NRXN1: variants seen among roughly 807,000 people sequenced by gnomAD.
NRXN1 encodes neurexin-1.
NRXN1 carries 39 observed loss-of-function variants against 150.9 expected under a neutral mutation model. That is an observed-to-expected ratio of 0.26 (90% confidence interval 0.20 to 0.34). The LOEUF (loss-of-function observed/expected upper bound fraction) is 0.34. NRXN1 is among the 10% of genes least tolerant of loss of function. NRXN1 has a pLI of 1.00. For missense variants in NRXN1, 1,815 were observed against 1,949.9 expected (o/e 0.93, Z 1.30); for synonymous variants, 924 against 757.0 (o/e 1.22, Z -3.62).
intron 18 of NRXN1, among the ~76,000 whole-genome samples, chr2:50,146,164 C>G (rs1405609679): frequency 6.6e-6 from 1 of 151,550 alleles, no homozygotes; most frequent in African/African-American, 2.4e-5. Flanking sequence ...ATGATTCATT[C>G]AAAAGTATGA....
intron 8 of NRXN1, among the ~76,000 whole-genome samples, chr2:50,583,632 G>C (rs1672637577): frequency 6.6e-6 from 1 of 152,116 alleles, no homozygotes; most frequent in African/African-American, 2.4e-5. Context: ...TGAGTAAATA[G>C]CCAAGATTTA....
intron 17 of NRXN1, among the ~76,000 whole-genome samples, chr2:50,298,706 C>A (rs1299668384): frequency 2.0e-5 from 3 of 152,124 alleles, no homozygotes; most frequent in Non-Finnish European, 4.4e-5. Flanking sequence ...CTGCTAAGTA[C>A]ACAGTTGTAA....
chr2:50,554,320 G>C (rs1295879644), intron 8 of NRXN1: 2 of 152,050 alleles, frequency 1.3e-5, no homozygotes, highest in African/African-American at 2.4e-5. Context: ...CCAAACCCAT[G>C]GCCAACTGAA....
intron 5 of NRXN1, among the ~76,000 whole-genome samples, chr2:50,730,830 A>C (rs10176825): frequency 6.6e-6 from 1 of 150,858 alleles, no homozygotes; most frequent in East Asian, 1.9e-4. Flanking sequence ...CCGCCACCAC[A>C]CCCAGCTAAT....
chr2:50,900,481 C>T (rs963965271), intron 5 of NRXN1, among the ~76,000 whole-genome samples: 3 of 152,014 alleles, frequency 2.0e-5, no homozygotes, highest in Non-Finnish European at 4.4e-5. Context: ...TTAAACAAAC[C>T]CTCTCACTTG....
In NRXN1 at chr2:50,521,075, A is replaced by G. The variant is rs573931782; in HGVS notation, c.2374+7550T>C. Among the ~76,000 whole-genome samples, 10 of 152,272 alleles carry G rather than the reference A, an allele frequency of 6.6e-5. No homozygotes were observed. In the East Asian group the frequency reaches 1.9e-3, roughly 29 times the overall value. ...GTTGTATAGAAGTTCATACTTATTT[A>G]CACTGGAAACTTCCTGGTTCCAAAG... On this transcript the variant is annotated intron_variant, in intron 12 of 22. Transcript: ENST00000401669.
At chr2:50,554,591 A>T (rs920837053) in intron 8 of NRXN1, 8 of 152,218 alleles carry the variant, frequency 5.3e-5, no homozygotes, top group African/African-American at 1.9e-4. Context: ...AATGCCAATC[A>T]CATTGTAAGA....
chr2:50,328,934 G>A (rs994039113), intron 17 of NRXN1, among the ~76,000 whole-genome samples: 5 of 152,024 alleles, frequency 3.3e-5, no homozygotes, highest in Admixed American at 6.6e-5. Flanking sequence ...ACAGTTATCT[G>A]AGTAGATGCT....
chr2:50,520,415 A>G (rs1450236416), intron 12 of NRXN1, among the ~76,000 whole-genome samples: 1 of 151,902 alleles, frequency 6.6e-6, no homozygotes, highest in African/African-American at 2.4e-5. Flanking sequence ...TGATTTTTTA[A>G]TCACAATAGC....
In NRXN1 at chr2:50,053,311, G is replaced by T. The variant is rs781551221; in HGVS notation, c.4088C>A (p.Ala1363Asp). Residue 1363 changes from alanine (A) to aspartate (D), a missense_variant, in exon 21 of 23, where the codon GCC becomes GAC. Transcript: ENST00000401669. ...TTTTGTCGGGGGCTTTCCTCTTCTG[G>T]CTGTGCTAGTAGCCAGGGTCGTGGT... Reference protein sequence around the residue: ...ETTTTLATSTARRGKPPTKEP... With the variant: ...ETTTTLATSTDRRGKPPTKEP... The T allele has an allele frequency of 1.9e-6, 3 of 1,613,854 alleles. No homozygotes were observed. The highest frequency in any genetic ancestry group is 2.7e-5 in the African/African-American group (2 of 74,904).
chr2:50,700,020 T>A (rs186116427), intron 5 of NRXN1, among the ~76,000 whole-genome samples: 2 of 152,302 alleles, frequency 1.3e-5, no homozygotes, highest in Admixed American at 6.5e-5. Flanking sequence ...TATGTTTGCA[T>A]AATTAAAAGA....
chr2:50,392,598 C>G (rs2081796661), intron 17 of NRXN1, among the ~76,000 whole-genome samples: 1 of 151,986 alleles, frequency 6.6e-6, no homozygotes, highest in Non-Finnish European at 1.5e-5. Flanking sequence ...ATAATTTCAA[C>G]TTTAGGGGAA....
chr2:50,764,336 T>G (rs1268018504), intron 5 of NRXN1, among the ~76,000 whole-genome samples: 1 of 151,936 alleles, frequency 6.6e-6, no homozygotes, highest in East Asian at 1.9e-4. Flanking sequence ...ATACCATACT[T>G]TGCGTATGGT....
chr2:50,652,637 G>T (rs1685810235), intron 5 of NRXN1, among the ~76,000 whole-genome samples: 1 of 152,010 alleles, frequency 6.6e-6, no homozygotes. Flanking sequence ...TATTAAGAAT[G>T]CTGCTGCTAT....
chr2:50,346,866 C>G lies in NRXN1; in HGVS notation c.3365-109896G>C. On this transcript the variant is annotated intron_variant, in intron 17 of 22. Transcript: ENST00000401669. This position sits in a 1 kb window ranked among gnomAD's most constrained non-coding sequence, Gnocchi z 5.0. ...CTATCCAAAGCAGGGCCAGGCGCCC[C>G]CCTGCGCCGCCGCCGCCGCCGCCGC... 1 of 1,391,784 alleles carries G rather than the reference C, an allele frequency of 7.2e-7. No homozygotes were observed. Among genetic ancestry groups the G allele is most frequent in the South Asian group, 1.9e-5 (1 of 52,320 alleles). 86.2% of individuals were successfully genotyped at this position (1,391,784 alleles called of 1,614,324 possible).
chr2:50,935,305 G>C (rs1042021336), intron 2 of NRXN1, among the ~76,000 whole-genome samples: 5 of 152,120 alleles, frequency 3.3e-5, no homozygotes, highest in African/African-American at 1.2e-4. Flanking sequence ...GCAGAGATAA[G>C]GCAATTGGAT....
intron 18 of NRXN1, among the ~76,000 whole-genome samples, chr2:50,098,482 A>C (rs999065371): frequency 6.6e-6 from 1 of 152,106 alleles, no homozygotes; most frequent in Non-Finnish European, 1.5e-5. Context: ...CCAGGGACAT[A>C]GAAGTTATGT....
intron 17 of NRXN1, among the ~76,000 whole-genome samples, chr2:50,254,892 G>A (rs572317060): frequency 2.0e-5 from 3 of 151,790 alleles, no homozygotes; most frequent in African/African-American, 7.3e-5. Flanking sequence ...CTGCAGGCTC[G>A]ACCTCCTGAA....
At chr2:50,637,554 C>A (rs537876886) in intron 5 of NRXN1, 1 of 152,344 alleles carries the variant, frequency 6.6e-6, no homozygotes, top group South Asian at 2.1e-4. Context: ...ACCACGAATT[C>A]TTGGAGAGGA....
Sources: gnomAD v4.1 joint callset for allele counts (sites outside exome capture counted in the v4.1 genomes callset) on GRCh38, gnomAD v4.1.1 for gene constraint, Gnocchi (gnomAD v3.1) non-coding constraint, MANE v1.5 for transcripts, NCBI Gene and HGNC (gene_info 2026-07-23, HGNC 2026-07-21) for gene names.